ITPRID2: variants seen among roughly 807,000 people sequenced by gnomAD.
ITPRID2 encodes the protein ITPR interacting domain containing 2.
In ITPRID2, 60 loss-of-function variants were observed where a neutral mutation model predicts 124.3. The ratio of observed to expected loss-of-function variants is 0.48; its 90% confidence interval spans 0.39 to 0.60. ITPRID2 has a LOEUF of 0.60. ITPRID2 is among the 20% of genes least tolerant of loss of function. The probability of loss-of-function intolerance (pLI) is 0.00; values close to 1 mark genes in which losing one functional copy is unlikely to be tolerated. For missense variants in ITPRID2, 1,553 were observed against 1,512.2 expected (o/e 1.03, Z -0.45); for synonymous variants, 521 against 542.9 (o/e 0.96, Z 0.56).
intron 16 of ITPRID2, 34 bp from the exon 17 acceptor site, chr2:181,928,127 G>A (rs1027681079): frequency 2.2e-6 from 3 of 1,370,944 alleles, no homozygotes; most frequent in African/African-American, 3.0e-5. Context: ...CATTCATATT[G>A]GTAAATTTTT....
intron 2 of ITPRID2, chr2:181,893,953 A>G (rs1466502562): frequency 6.6e-6 from 1 of 152,214 alleles, no homozygotes; most frequent in Non-Finnish European, 1.5e-5. Flanking sequence ...TCAGGTTTCC[A>G]CTTAGAAATG....
Position 181,902,944 on chromosome 2 carries a change from G to T in ITPRID2, c.1413+478G>T, listed in dbSNP as rs1692799597. Among the ~76,000 whole-genome samples the T allele has an allele frequency of 6.6e-6, 1 of 152,106 alleles. No individual in the cohort carries two copies. Among genetic ancestry groups the T allele is most frequent in the South Asian group, 2.1e-4 (1 of 4,832 alleles). ...GGGGATAGTTCTTGTTATATGACTG[G>T]AAAGAACATGAAGATATTACGTACC... On this transcript the variant is annotated intron_variant, in intron 8 of 17. Transcript: ENST00000431877. The surrounding 1 kb of genome is among the most constrained non-coding windows in gnomAD (Gnocchi z 4.4).
chr2:181,892,401 A>T lies in ITPRID2; in HGVS notation c.211+124A>T. The T allele has an allele frequency of 8.1e-7, 1 of 1,230,334 alleles. No homozygotes were observed. Among genetic ancestry groups the T allele is most frequent in the Non-Finnish European group, 1.1e-6 (1 of 895,592 alleles). The allele number at this position is 1,230,334 out of a possible 1,614,324, so 76.2% of individuals were successfully genotyped here. A position where few individuals can be genotyped will look rare whatever the true frequency, so the allele number is the denominator to read the frequency against. Reference sequence around the variant, plus strand: ...ACGGTAGGCCGAGGGGAGAGGGGACACTTCCGACCTTCAAACGCGCGCGCT... The same window carrying T: ...ACGGTAGGCCGAGGGGAGAGGGGACTCTTCCGACCTTCAAACGCGCGCGCT... On this transcript the variant is annotated intron_variant, in intron 1 of 17. Coordinates refer to ENST00000431877, the MANE Select transcript of ITPRID2 (RefSeq NM_001130445.3). The surrounding 1 kb of genome is among the most constrained non-coding windows in gnomAD (Gnocchi z 5.2).
Position 181,902,216 on chromosome 2 carries a change from AC to A in ITPRID2, c.1165del (p.Gln389LysfsTer25). 6.2e-7 allele frequency: 1 copy of A among 1,613,478 alleles called. No individual in the cohort carries two copies. The highest frequency in any genetic ancestry group is 8.5e-7 in the Non-Finnish European group (1 of 1,179,632). On this transcript the variant is annotated frameshift_variant, in exon 8 of 18. Transcript: ENST00000431877. LOFTEE classifies it high-confidence loss of function. The surrounding 1 kb of genome is among the most constrained non-coding windows in gnomAD (Gnocchi z 4.4). ...TCTGATGAAGCAAATAGTAATTTTAACCAAGGAACTGAAAATGAACAAAGTA... is the reference window on the plus strand; with the variant it reads ...TCTGATGAAGCAAATAGTAATTTTAACAAGGAACTGAAAATGAACAAAGTA... Reference protein sequence around the residue: ...RISDEANSNFNQGTENEQSKE... With the variant: ...RISDEANSNFXQGTENEQSKE...
At chr2:181,912,275 A>G (rs1693664821) in intron 9 of ITPRID2, among the ~76,000 whole-genome samples, 1 of 152,248 alleles carries the variant, frequency 6.6e-6, no homozygotes, top group African/African-American at 2.4e-5. Context: ...TAGTTTAAAG[A>G]TATGAAAATA....
intron 15 of ITPRID2, 36 bp from the exon 16 acceptor site, chr2:181,921,912 C>A: frequency 6.4e-7 from 1 of 1,569,558 alleles, no homozygotes; most frequent in South Asian, 1.2e-5. Flanking sequence ...ATCTTAATTC[C>A]AAGAGAGAAG....
Position 181,915,548 on chromosome 2 carries a change from A to G in ITPRID2, c.1908A>G (p.Leu636=), listed in dbSNP as rs757918559. 1.9e-6 allele frequency: 3 copies of G among 1,614,140 alleles called. No homozygotes were observed. Among genetic ancestry groups the G allele is most frequent in the African/African-American group, 1.3e-5 (1 of 74,952 alleles). The change falls in exon 11 of 18, where the codon CTA becomes CTG. Residue 636 remains leucine, a synonymous_variant. Transcript: ENST00000431877. The stretch of plus-strand genomic sequence containing the variant: ...TGTTTCCAGCAGAGACAGTAGAGCT[A>G]CTGAGGGAAGCAAGTGCTGAAAGTG... ...EDLFPAETVE[L]LREASAESDV... is the part of the protein sequence containing the mutation.
chr2:181,897,048 A>T, intron 4 of ITPRID2, 84 bp downstream of exon 4: 1 of 1,151,976 alleles, frequency 8.7e-7, no homozygotes, highest in Non-Finnish European at 1.3e-6. Context: ...CAGGTTTATG[A>T]TCCTCAAGCT....
intron 13 of ITPRID2, 62 bp downstream of exon 13, chr2:181,918,944 T>TA: frequency 6.3e-7 from 1 of 1,579,196 alleles, no homozygotes; most frequent in Non-Finnish European, 8.6e-7. Context: ...CTTCTCAACT[T>TA]ATATTTTTTA....
chr2:181,906,532 G>T (rs1693138256), intron 8 of ITPRID2, among the ~76,000 whole-genome samples: 1 of 152,118 alleles, frequency 6.6e-6, no homozygotes, highest in African/African-American at 2.4e-5. Context: ...CTTGAGCCCA[G>T]AAGTTAGAGA....
intron 17 of ITPRID2, among the ~76,000 whole-genome samples, chr2:181,928,503 A>G (rs867308500): frequency 1.3e-5 from 2 of 152,190 alleles, no homozygotes; most frequent in African/African-American, 4.8e-5. Flanking sequence ...GGGTCATTCT[A>G]CTGAAATTTC....
rs537031867 is a variant in ITPRID2, at chr2:181,892,782, G to C, written c.257+122G>C. 6.9e-3 allele frequency: 7,913 copies of C among 1,145,370 alleles called. 50 individuals carry two copies. Among genetic ancestry groups the C allele is most frequent in the Non-Finnish European group, 7.9e-3 (6,171 of 779,620 alleles). 71.0% of individuals were successfully genotyped at this position (1,145,370 alleles called of 1,614,324 possible). On this transcript the variant is annotated intron_variant, in intron 2 of 17. Transcript: ENST00000431877. This position sits in a 1 kb window ranked among gnomAD's most constrained non-coding sequence, Gnocchi z 5.2. ...ACCGTTGTAAGCTACAAACCGGAAA[G>C]TGAGCCGGCGGATAGCTTCCTCCTC... is the stretch of plus-strand genomic sequence containing the variant.
rs1694087510 is a variant in ITPRID2, at chr2:181,916,745, T to C, written c.2787+318T>C. 1.9e-5 allele frequency: 16 copies of C among 822,802 alleles called. No individual in the cohort carries two copies. In the South Asian group the frequency reaches 3.0e-4, roughly 15 times the overall value. The allele number at this position is 822,802 out of a possible 1,614,324, so 51.0% of individuals were successfully genotyped here. ...CTTTGTTTTAGTCTAGAATCTTTTG[T>C]CATTTCTATTATTAAAAAATCTTCC... On this transcript the variant is annotated intron_variant, in intron 11 of 17. Coordinates refer to ENST00000431877, the MANE Select transcript of ITPRID2 (RefSeq NM_001130445.3).
chr2:181,916,965 C>G (rs997015157), intron 11 of ITPRID2: 5 of 986,814 alleles, frequency 5.1e-6, no homozygotes, highest in Middle Eastern at 1.0e-3. Context: ...CCACTGGACT[C>G]AAAGACTGGA....
chr2:181,899,813 C>CA (rs1161976425), intron 6 of ITPRID2, among the ~76,000 whole-genome samples: 2 of 152,214 alleles, frequency 1.3e-5, no homozygotes, highest in African/African-American at 4.8e-5. Flanking sequence ...ACTTGGCTGA[C>CA]AGAGTGAGAC....
chr2:181,926,150 G>C (rs1694828603), intron 16 of ITPRID2, among the ~76,000 whole-genome samples: 1 of 151,982 alleles, frequency 6.6e-6, no homozygotes, highest in Admixed American at 6.6e-5. Flanking sequence ...GGTAATCCCA[G>C]CTATGCAGGA....
rs1692679682 is a variant in ITPRID2 at position 181,901,708 on chromosome 2, A to G, written c.713-58A>G. 5 of 1,160,368 alleles carry G rather than the reference A, an allele frequency of 4.3e-6. No homozygotes were observed. In the East Asian group the frequency reaches 8.2e-5, roughly 19 times the overall value. The allele number at this position is 1,160,368 out of a possible 1,614,324, so 71.9% of individuals were successfully genotyped here. ...TTCTAAACAATAATATGCATTTAAT[A>G]TATGTGTATGTATATATATAAATAT... On this transcript the variant is annotated intron_variant, in intron 7 of 17. Coordinates refer to ENST00000431877, the MANE Select transcript of ITPRID2 (RefSeq NM_001130445.3).
chr2:181,927,063 C>T lies in ITPRID2; in HGVS notation c.3676-1098C>T, dbSNP rs115799993. On this transcript the variant is annotated intron_variant, in intron 16 of 17. Coordinates refer to ENST00000431877, the MANE Select transcript of ITPRID2 (RefSeq NM_001130445.3). ...TATAGTATTTAAATATATTCCAGTA[C>T]AGATGGTTGGTAGCTAAGGAGTGTT... is the stretch of plus-strand genomic sequence containing the variant. Among the ~76,000 whole-genome samples the T allele has an allele frequency of 7.0e-3, 1,062 of 152,264 alleles. 17 individuals carry two copies. The highest frequency in any genetic ancestry group is 0.024 in the African/African-American group (1,013 of 41,558).
In ITPRID2 at chr2:181,892,521, C is replaced by G; in HGVS notation, c.212-94C>G. 1 of 1,483,918 alleles carries G rather than the reference C, an allele frequency of 6.7e-7. No homozygotes were observed. Among genetic ancestry groups the G allele is most frequent in the Admixed American group, 1.7e-5 (1 of 59,430 alleles). The allele number at this position is 1,483,918 out of a possible 1,614,324, so 91.9% of individuals were successfully genotyped here. ...GACGTGTCGCTTAGGCTGCATTTGCCGTGGTAGATTTTCCTACTTGGGAGG... is the reference window on the plus strand; with the variant it reads ...GACGTGTCGCTTAGGCTGCATTTGCGGTGGTAGATTTTCCTACTTGGGAGG... On this transcript the variant is annotated intron_variant, in intron 1 of 17. Coordinates refer to ENST00000431877, the MANE Select transcript of ITPRID2 (RefSeq NM_001130445.3). The surrounding 1 kb of genome is among the most constrained non-coding windows in gnomAD (Gnocchi z 5.2).
Sources: gnomAD v4.1 joint callset for allele counts (sites outside exome capture counted in the v4.1 genomes callset) on GRCh38, gnomAD v4.1.1 for gene constraint, Gnocchi (gnomAD v3.1) non-coding constraint, MANE v1.5 for transcripts, NCBI Gene and HGNC (gene_info 2026-07-23, HGNC 2026-07-21) for gene names.